KANK1: variants seen among roughly 807,000 people sequenced by gnomAD.
KANK1 encodes KN motif and ankyrin repeat domains 1, also known as KN motif and ankyrin repeat domain-containing protein 1.
KANK1 carries 109 observed loss-of-function variants against 106.2 expected under a neutral mutation model. The ratio of observed to expected loss-of-function variants is 1.03; its 90% CI spans 0.88 to 1.20. The LOEUF (loss-of-function observed/expected upper bound fraction) is 1.20. KANK1 is among the 50% of genes most tolerant of loss of function. The pLI is 0.00. For missense variants in KANK1, 2,399 were observed against 1,710.7 expected, an observed-to-expected ratio of 1.40 and a Z score of -7.10; for synonymous variants, 873 against 652.2, an observed-to-expected ratio of 1.34 and a Z score of -5.16.
chr9:735,736 A>C (rs1010841548), intron 7 of KANK1: 1 of 443,326 alleles, frequency 2.3e-6, no homozygotes, highest in African/African-American at 2.0e-5. Flanking sequence ...GCTGACACCT[A>C]TGATCCCAAC....
At chr9:471,815 A>C (rs1402788536) in intron 2 of KANK1, among the ~76,000 whole-genome samples, 1 of 152,136 alleles carries the variant, frequency 6.6e-6, no homozygotes, top group African/African-American at 2.4e-5. Context: ...AATCGTTTGC[A>C]CTTAGGCATT....
intron 1 of KANK1, among the ~76,000 whole-genome samples, chr9:612,930 G>A (rs554536172): frequency 1.3e-5 from 2 of 152,266 alleles, no homozygotes; most frequent in South Asian, 4.1e-4. Context: ...ATGGTTACAT[G>A]CAGAGGATCC....
At chr9:732,287 G>C in intron 5 of KANK1, 91 bp from the exon 6 acceptor site, 1 of 1,443,688 alleles carries the variant, frequency 6.9e-7, no homozygotes, top group African/African-American at 1.4e-5. Flanking sequence ...GAAATTTCTG[G>C]AGTCAATTAG....
chr9:738,924 A>G (rs1378750642), intron 8 of KANK1, among the ~76,000 whole-genome samples: 1 of 152,190 alleles, frequency 6.6e-6, no homozygotes, highest in Non-Finnish European at 1.5e-5. Context: ...ACCTTACTCC[A>G]TGACTGCTGT....
At chr9:473,780 A>G (rs1587172992) in intron 3 of KANK1, among the ~76,000 whole-genome samples, 1 of 151,944 alleles carries the variant, frequency 6.6e-6, no homozygotes, top group South Asian at 2.1e-4. Flanking sequence ...GCTCACTGCA[A>G]CCTCTGCCTC....
At chr9:579,615 A>T (rs1164944666) in intron 1 of KANK1, among the ~76,000 whole-genome samples, 1 of 152,026 alleles carries the variant, frequency 6.6e-6, no homozygotes. Context: ...TAGGTCTCAC[A>T]TCTTTATGTG....
intron 7 of KANK1, 91 bp from the exon 8 acceptor site, chr9:738,194 T>C (rs1262907284): frequency 1.9e-6 from 2 of 1,051,852 alleles, no homozygotes; most frequent in East Asian, 5.2e-5. Flanking sequence ...ATATATACTT[T>C]GACTATAAAA....
At chr9:540,749 A>T (rs569843971) in intron 1 of KANK1, 3 of 152,274 alleles carry the variant, frequency 2.0e-5, no homozygotes, top group South Asian at 4.1e-4. Context: ...GCCTTGGTGT[A>T]AGTTGTATGT....
At chr9:524,982 C>CCTTTTTT (rs2059718023) in intron 1 of KANK1, among the ~76,000 whole-genome samples, 1 of 91,984 alleles carries the variant, frequency 1.1e-5, no homozygotes, top group Non-Finnish European at 2.0e-5. Context: ...CTCTTGCTGC[C>CCTTTTTT]TTTTTTTTTT....
intron 3 of KANK1, among the ~76,000 whole-genome samples, chr9:490,441 T>C (rs2058359216): frequency 5.3e-5 from 8 of 152,190 alleles, no homozygotes; most frequent in Admixed American, 5.2e-4. Flanking sequence ...CCCAGGAGGT[T>C]GAAGCTGCAG....
At chr9:586,950 C>G (rs1823635889) in intron 1 of KANK1, among the ~76,000 whole-genome samples, 2 of 152,192 alleles carry the variant, frequency 1.3e-5, no homozygotes, top group African/African-American at 4.8e-5. Context: ...TCCTGCAGAT[C>G]TCAAGCCTAA....
intron 1 of KANK1, among the ~76,000 whole-genome samples, chr9:574,130 G>T (rs1168364647): frequency 2.6e-5 from 4 of 152,214 alleles, no homozygotes. Context: ...TGTGGCCTTT[G>T]TTCTCTGCCG....
At chr9:737,187 T>A (rs578169808) in intron 7 of KANK1, among the ~76,000 whole-genome samples, 1 of 152,196 alleles carries the variant, frequency 6.6e-6, no homozygotes, top group East Asian at 1.9e-4. Context: ...TCTTTCAGTG[T>A]GACAACTCCA....
At chr9:691,401 T>C (rs956971242) in intron 2 of KANK1, among the ~76,000 whole-genome samples, 9 of 149,930 alleles carry the variant, frequency 6.0e-5, no homozygotes, top group African/African-American at 2.2e-4. Context: ...TATGTGTGTG[T>C]GTGTATATAT....
At chr9:685,232 C>T (rs1818319677) in intron 2 of KANK1, among the ~76,000 whole-genome samples, 1 of 152,180 alleles carries the variant, frequency 6.6e-6, no homozygotes, top group Admixed American at 6.5e-5. Context: ...GTACATATAG[C>T]ATTAGTCATC....
At chr9:739,462 CTCTTA>C (rs1481617312) in intron 8 of KANK1, among the ~76,000 whole-genome samples, 3 of 152,188 alleles carry the variant, frequency 2.0e-5, no homozygotes, top group African/African-American at 7.2e-5. Flanking sequence ...TCCTTCCTTT[CTCTTA>C]TAAGTGTGTT....
intron 3 of KANK1, among the ~76,000 whole-genome samples, chr9:473,488 T>C (rs1648620613): frequency 6.6e-6 from 1 of 152,178 alleles, no homozygotes; most frequent in Admixed American, 6.5e-5. Flanking sequence ...AGCTCTGTGA[T>C]CATCAACCAT....
intron 1 of KANK1, among the ~76,000 whole-genome samples, chr9:634,680 T>G (rs1023608775): frequency 2.0e-5 from 3 of 152,224 alleles, no homozygotes; most frequent in Non-Finnish European, 4.4e-5. Context: ...TGTTTCAAAG[T>G]TAAATTACAA....
intron 7 of KANK1, among the ~76,000 whole-genome samples, chr9:735,095 T>G (rs943670771): frequency 1.3e-5 from 2 of 152,230 alleles, no homozygotes; most frequent in Non-Finnish European, 2.9e-5. Context: ...AGGCGTACAC[T>G]TGCAGACAGA....
Sources: allele counts gnomAD v4.1 joint callset (sites outside exome capture counted in the v4.1 genomes callset), GRCh38; gene constraint gnomAD v4.1.1; transcripts MANE v1.5; gene names NCBI Gene and HGNC (gene_info 2026-07-23, HGNC 2026-07-21).